The following EPHA6 variants were observed in gnomAD, a reference collection of about 807,000 sequenced individuals.
The protein encoded by EPHA6 is ephrin type-A receptor 6.
Under a neutral mutation model 112.0 loss-of-function variants are expected in EPHA6, and 50 were observed. The observed-to-expected ratio is 0.45, with a 90% CI of 0.36 to 0.56. The LOEUF (loss-of-function observed/expected upper bound fraction) is 0.56, where lower values mean the gene tolerates loss of function less well. EPHA6 is among the 20% of genes least tolerant of loss of function. The pLI, the probability that EPHA6 is intolerant of heterozygous loss-of-function variation, is 0.00. For synonymous variants in EPHA6, 529 were observed against 490.7 expected, an observed-to-expected ratio of 1.08 and a Z score of -1.03; for missense variants, 1,280 against 1,417.4, an observed-to-expected ratio of 0.90 and a Z score of 1.56.
intron 1 of EPHA6, among the ~76,000 whole-genome samples, chr3:96,841,263 G>T (rs1201368137): frequency 6.6e-6 from 1 of 152,060 alleles, no homozygotes; most frequent in Non-Finnish European, 1.5e-5. Context: ...TTCCAAATGA[G>T]GCAATCAGAT....
intron 3 of EPHA6, among the ~76,000 whole-genome samples, chr3:97,047,412 A>C (rs1336206192): frequency 3.4e-5 from 5 of 149,058 alleles, no homozygotes; most frequent in Non-Finnish European, 7.4e-5. Flanking sequence ...AGGCAGGATA[A>C]TGGCATGAAC....
chr3:96,997,280 C>G (rs1036050450), intron 3 of EPHA6, among the ~76,000 whole-genome samples: 3 of 152,046 alleles, frequency 2.0e-5, no homozygotes, highest in Admixed American at 2.0e-4. Flanking sequence ...TTCATGTGTT[C>G]ACTGGAGTAG....
At chr3:97,118,512 T>A (rs569022356) in intron 3 of EPHA6, among the ~76,000 whole-genome samples, 47 of 152,014 alleles carry the variant, frequency 3.1e-4, no homozygotes, top group Non-Finnish European at 5.6e-4. Context: ...ATAAAGATCT[T>A]ACCTAACATA....
At chr3:97,557,412 C>T (rs2093126782) in intron 11 of EPHA6, among the ~76,000 whole-genome samples, 2 of 151,738 alleles carry the variant, frequency 1.3e-5, no homozygotes, top group Admixed American at 6.6e-5. Context: ...TGACAATTGC[C>T]TGCTTGTGTC....
At position 97,106,905 on chromosome 3, in the gene EPHA6, G is replaced by A. The variant is rs116487361; in HGVS notation, c.1114+118912G>A. Among the ~76,000 whole-genome samples, 945 of 152,242 alleles carry A rather than the reference G, an allele frequency of 6.2e-3. 7 individuals are homozygous for A. Among genetic ancestry groups the A allele is most frequent in the African/African-American group, 0.022 (903 of 41,552 alleles). On this transcript the variant is annotated intron_variant, in intron 3 of 17. Transcript: ENST00000389672. ...TTTTCTCATTTCAATAACTTATCAA[G>A]TGTATAGAGAAAGGAACGACAACTA...
At chr3:97,318,814 T>C (rs573735373) in intron 5 of EPHA6, among the ~76,000 whole-genome samples, 1 of 152,098 alleles carries the variant, frequency 6.6e-6, no homozygotes, top group Non-Finnish European at 1.5e-5. Context: ...GTAACTATAA[T>C]CCTTTGATAA....
chr3:97,605,516 A>G (rs1225264652), intron 12 of EPHA6, among the ~76,000 whole-genome samples: 2 of 151,418 alleles, frequency 1.3e-5, no homozygotes, highest in African/African-American at 2.4e-5. Context: ...AAGTCCTTTC[A>G]CTATTGCTTG....
chr3:96,908,524 T>C (rs928228140), intron 2 of EPHA6, among the ~76,000 whole-genome samples: 2 of 151,844 alleles, frequency 1.3e-5, no homozygotes, highest in African/African-American at 4.8e-5. Context: ...TTAGTTCTCG[T>C]TTGAGGTCAG....
At chr3:97,728,231 T>A (rs2034869960) in intron 15 of EPHA6, among the ~76,000 whole-genome samples, 1 of 143,488 alleles carries the variant, frequency 7.0e-6, no homozygotes, top group Admixed American at 7.2e-5. Context: ...ACTATCTTTC[T>A]AAAATCAAAA....
intron 5 of EPHA6, among the ~76,000 whole-genome samples, chr3:97,275,586 A>G (rs2080045113): frequency 6.6e-6 from 1 of 152,156 alleles, no homozygotes; most frequent in Non-Finnish European, 1.5e-5. Flanking sequence ...TCCTGAACTA[A>G]CCTGTAAGGC....
intron 1 of EPHA6, among the ~76,000 whole-genome samples, chr3:96,838,218 A>G (rs2034534158): frequency 4.6e-5 from 7 of 152,112 alleles, no homozygotes; most frequent in Admixed American, 4.6e-4. Context: ...GTCCATGCAA[A>G]GTACATTATC....
chr3:97,090,504 A>C (rs1054280117), intron 3 of EPHA6, among the ~76,000 whole-genome samples: 4 of 152,072 alleles, frequency 2.6e-5, no homozygotes, highest in Non-Finnish European at 2.9e-5. Flanking sequence ...TAAGTTTGTA[A>C]ATTATAGCAC....
chr3:96,842,752 T>C (rs1276144594), intron 1 of EPHA6, among the ~76,000 whole-genome samples: 1 of 152,098 alleles, frequency 6.6e-6, no homozygotes, highest in Non-Finnish European at 1.5e-5. Flanking sequence ...TCATTTTCCA[T>C]ATAAGCAGAG....
At position 97,328,241 on chromosome 3, in the gene EPHA6, T is replaced by C. The variant is rs919857085; in HGVS notation, c.1607-76909T>C. Among the ~76,000 whole-genome samples, 7 of 151,762 alleles carry C rather than the reference T, an allele frequency of 4.6e-5. No homozygotes were observed. The East Asian group carries it at 5.8e-4, about 13-fold the overall frequency. On this transcript the variant is annotated intron_variant, in intron 5 of 17. Coordinates refer to ENST00000389672, the MANE Select transcript of EPHA6 (RefSeq NM_001080448.3). ...CTCAGAAGGAAATTGTTGGGCCTTA[T>C]GGAAACTGCATGTTTAGGTATATAA... is the stretch of plus-strand genomic sequence containing the variant.
At chr3:97,271,744 G>A (rs1048768381) in intron 5 of EPHA6, among the ~76,000 whole-genome samples, 1 of 152,150 alleles carries the variant, frequency 6.6e-6, no homozygotes, top group African/African-American at 2.4e-5. Flanking sequence ...TTAAATTATA[G>A]CAATTAATGT....
At chr3:97,480,681 T>C (rs972312603) in intron 9 of EPHA6, among the ~76,000 whole-genome samples, 29 of 152,212 alleles carry the variant, frequency 1.9e-4, no homozygotes, top group Non-Finnish European at 3.7e-4. Context: ...TTCCCCACAT[T>C]TCCCCCTTTT....
intron 3 of EPHA6, among the ~76,000 whole-genome samples, chr3:97,119,045 A>G (rs2047971251): frequency 6.6e-6 from 1 of 151,920 alleles, no homozygotes; most frequent in Admixed American, 6.6e-5. Context: ...TCATATCAAT[A>G]CCATATATAT....
At chr3:97,542,178 G>T (rs917487396) in intron 11 of EPHA6, among the ~76,000 whole-genome samples, 3 of 151,696 alleles carry the variant, frequency 2.0e-5, no homozygotes, top group Non-Finnish European at 4.4e-5. Flanking sequence ...TGCCATGTTG[G>T]TGTGCTGCAC....
intron 1 of EPHA6, among the ~76,000 whole-genome samples, chr3:96,838,289 C>T (rs961941134): frequency 5.3e-5 from 8 of 152,076 alleles, no homozygotes; most frequent in Admixed American, 4.6e-4. Context: ...TTTCTTTATC[C>T]AGTCTATCAT....
Sources: allele counts gnomAD v4.1 joint callset (sites outside exome capture counted in the v4.1 genomes callset), GRCh38; gene constraint gnomAD v4.1.1; transcripts MANE v1.5; gene names NCBI Gene and HGNC (gene_info 2026-07-23, HGNC 2026-07-21).